Variants in NOL4 observed in about 807,000 individuals in gnomAD.
The protein encoded by NOL4 is nucleolar protein 4.
A neutral mutation model predicts 75.9 loss-of-function variants in NOL4; 17 were observed. That is an observed-to-expected ratio of 0.22 (90% CI 0.15 to 0.34). The LOEUF is 0.34. NOL4 is among the 10% of genes least tolerant of loss of function. NOL4 has a pLI of 1.00. For missense variants in NOL4, 614 were observed against 793.5 expected (o/e 0.77, Z 2.72); for synonymous variants, 292 against 289.9 (o/e 1.01, Z -0.07).
At chr18:34,018,518 T>G (rs1249280270) in intron 6 of NOL4, among the ~76,000 whole-genome samples, 1 of 152,160 alleles carries the variant, frequency 6.6e-6, no homozygotes, top group Non-Finnish European at 1.5e-5. Flanking sequence ...GTTCTACAAC[T>G]CTGACTTAGA....
At chr18:33,886,394 G>C (rs868835758) in intron 9 of NOL4, among the ~76,000 whole-genome samples, 12 of 151,602 alleles carry the variant, frequency 7.9e-5, no homozygotes, top group South Asian at 2.1e-4. Context: ...TGGGCGTGGT[G>C]GTGGGCCCCT....
At chr18:34,138,535 A>C (rs948611093) in intron 1 of NOL4, among the ~76,000 whole-genome samples, 3 of 152,192 alleles carry the variant, frequency 2.0e-5, no homozygotes, top group Admixed American at 2.0e-4. Context: ...AAATTAGAGG[A>C]TGGTGGTTCT....
intron 9 of NOL4, among the ~76,000 whole-genome samples, chr18:33,929,705 A>G (rs1476948468): frequency 6.6e-6 from 1 of 152,198 alleles, no homozygotes; most frequent in African/African-American, 2.4e-5. Context: ...TTCTTTACTG[A>G]GTAAAATATC....
intron 10 of NOL4, among the ~76,000 whole-genome samples, chr18:33,875,821 A>G (rs1276617145): frequency 6.6e-6 from 1 of 152,100 alleles, no homozygotes; most frequent in Non-Finnish European, 1.5e-5. Context: ...GGGATATAAC[A>G]GTGAACAAGA....
chr18:34,039,488 A>T (rs2076050818), intron 5 of NOL4, among the ~76,000 whole-genome samples: 1 of 151,998 alleles, frequency 6.6e-6, no homozygotes, highest in Non-Finnish European at 1.5e-5. Context: ...ATATTTTAAG[A>T]GCAAGTCTTT....
chr18:33,919,881 A>G (rs1366517004), intron 9 of NOL4, among the ~76,000 whole-genome samples: 1 of 152,216 alleles, frequency 6.6e-6, no homozygotes, highest in Non-Finnish European at 1.5e-5. Context: ...TTTAGGAAAA[A>G]TGATTAAGAG....
chr18:33,886,775 ATATATATATC>A (rs2064691921), intron 9 of NOL4, among the ~76,000 whole-genome samples: 1 of 145,548 alleles, frequency 6.9e-6, no homozygotes, highest in African/African-American at 2.5e-5. Context: ...ATATATCTAT[ATATATATATC>A]TATAGATATA....
At chr18:34,025,755 C>T (rs2075308539) in intron 5 of NOL4, among the ~76,000 whole-genome samples, 1 of 152,108 alleles carries the variant, frequency 6.6e-6, no homozygotes, top group African/African-American at 2.4e-5. Flanking sequence ...TATTTTCAGC[C>T]ATTAGCAAGC....
chr18:34,223,298 G>T lies in NOL4; in HGVS notation c.-45C>A, dbSNP rs546346427. 18 of 1,601,136 alleles carry T rather than the reference G, an allele frequency of 1.1e-5. No homozygotes were observed. Among genetic ancestry groups the T allele is most frequent in the Non-Finnish European group, 1.4e-5 (16 of 1,175,958 alleles). ...TGGCCGGATGCTCCCAGCGCACTTCGCACCTGTTCACCCTAGGCTCATGAA... is the reference window on the plus strand; with the variant it reads ...TGGCCGGATGCTCCCAGCGCACTTCTCACCTGTTCACCCTAGGCTCATGAA... On this transcript the variant is annotated 5_prime_UTR_variant, in exon 1 of 11. Transcript: ENST00000261592.
At chr18:34,005,492 C>A (rs1423934669) in intron 6 of NOL4, among the ~76,000 whole-genome samples, 3 of 152,000 alleles carry the variant, frequency 2.0e-5, no homozygotes, top group African/African-American at 7.2e-5. Flanking sequence ...TGGGCCTCAT[C>A]CTCACTATTG....
Position 34,069,472 on chromosome 18 carries a change from C to T in NOL4, c.772+23993G>A, listed in dbSNP as rs193287977. 3.0e-3 allele frequency among the ~76,000 whole-genome samples: 451 copies of T among 152,022 alleles called. 6 individuals carry two copies. Among genetic ancestry groups the T allele is most frequent in the Middle Eastern group, 0.014 (4 of 294 alleles). The stretch of plus-strand genomic sequence containing the variant: ...AAAGAGGAGAAGAGAGAAAATAAGA[C>T]GGATAATTTCTAGAAAGAAAACTGA... On this transcript the variant is annotated intron_variant, in intron 5 of 10. Transcript: ENST00000261592.
At chr18:34,136,920 T>A (rs949607696) in intron 1 of NOL4, among the ~76,000 whole-genome samples, 1 of 152,074 alleles carries the variant, frequency 6.6e-6, no homozygotes, top group Non-Finnish European at 1.5e-5. Flanking sequence ...CTTACTACAC[T>A]AAAGTCTTTA....
intron 9 of NOL4, among the ~76,000 whole-genome samples, chr18:33,918,500 T>A (rs1212439599): frequency 3.3e-5 from 5 of 152,146 alleles, no homozygotes; most frequent in South Asian, 2.1e-4. Context: ...CATGCTAAGA[T>A]CTAGAAAAGG....
chr18:33,969,916 T>C (rs2070914067), intron 6 of NOL4, among the ~76,000 whole-genome samples: 1 of 152,178 alleles, frequency 6.6e-6, no homozygotes, highest in African/African-American at 2.4e-5. Context: ...TTCAAAATGA[T>C]AGAGAACATT....
rs116506297 is a variant in NOL4 at position 33,981,316 on chromosome 18, C to T, written c.1057-22898G>A. ...AATTAAAAAAAAAAATGTCAAACAC[C>T]ACACCACAGATCCAAGAAATTCAGA... is the stretch of plus-strand genomic sequence containing the variant. On this transcript the variant is annotated intron_variant, in intron 6 of 10. Transcript: ENST00000261592. Among the ~76,000 whole-genome samples the T allele has an allele frequency of 8.1e-3, 1,223 of 150,744 alleles. 8 individuals carry two copies. The highest frequency in any genetic ancestry group is 0.028 in the African/African-American group (1,168 of 41,210).
At chr18:34,155,859 G>A (rs1041255981) in intron 1 of NOL4, among the ~76,000 whole-genome samples, 2 of 152,056 alleles carry the variant, frequency 1.3e-5, no homozygotes, top group Non-Finnish European at 2.9e-5. Flanking sequence ...TATTATTCTT[G>A]TCATGATTAA....
At chr18:34,097,162 T>G (rs185951955) in intron 4 of NOL4, among the ~76,000 whole-genome samples, 1,893 of 152,282 alleles carry the variant, frequency 0.012, 14 homozygotes, top group Middle Eastern at 0.051. Flanking sequence ...GCTTATAAAT[T>G]TGCAGCCCTA....
At chr18:34,158,218 G>A (rs1389372934) in intron 1 of NOL4, among the ~76,000 whole-genome samples, 1 of 152,102 alleles carries the variant, frequency 6.6e-6, no homozygotes, top group African/African-American at 2.4e-5. Flanking sequence ...AGAGCAAGGG[G>A]TTGTGACCAA....
intron 5 of NOL4, among the ~76,000 whole-genome samples, chr18:34,035,021 G>C (rs551061279): frequency 6.6e-6 from 1 of 152,122 alleles, no homozygotes; most frequent in African/African-American, 2.4e-5. Flanking sequence ...AATAGTGGGA[G>C]ACTTCAACAC....
Sources: allele counts gnomAD v4.1 joint callset (sites outside exome capture counted in the v4.1 genomes callset), GRCh38; gene constraint gnomAD v4.1.1; transcripts MANE v1.5; gene names NCBI Gene and HGNC (gene_info 2026-07-23, HGNC 2026-07-21).